MYH16: variants seen among roughly 807,000 people sequenced by gnomAD.
MYH16 encodes putative uncharacterized protein MYH16.
chr7:99,288,020 G>A (rs1165873444), exon 29 of MYH16: 1 of 456,760 alleles, frequency 2.2e-6, no homozygotes, highest in Admixed American at 2.3e-5. Context: ...TGGCCGAGCT[G>A]ACGGAGCATG....
At chr7:99,262,096 G>A (rs1791943383) in intron 13 of MYH16, among the ~76,000 whole-genome samples, 3 of 152,220 alleles carry the variant, frequency 2.0e-5, no homozygotes, top group Non-Finnish European at 2.9e-5. Context: ...GACAAACTTA[G>A]TCCTTGGGAA....
chr7:99,288,324 AGCTACTCAGGAG>A (rs1792315042), intron 29 of MYH16, among the ~76,000 whole-genome samples, 187 bp downstream of exon 10: 1 of 152,186 alleles, frequency 6.6e-6, no homozygotes, highest in South Asian at 2.1e-4. Context: ...CTGTAGTCCT[AGCTACTCAGGAG>A]GCTGAGGCAG....
intron 1 of MYH16, among the ~76,000 whole-genome samples, chr7:99,240,448 G>A (rs1268612458): frequency 1.3e-5 from 2 of 152,094 alleles, no homozygotes; most frequent in African/African-American, 2.4e-5. Context: ...GAGCAAGCAA[G>A]CAAAGAAAAC....
intron 11 of MYH16, among the ~76,000 whole-genome samples, chr7:99,259,616 G>A (rs1248453181): frequency 2.6e-5 from 4 of 151,424 alleles, no homozygotes; most frequent in Admixed American, 6.6e-5. Context: ...GCGCCACCAC[G>A]CTTGGCTAAT....
chr7:99,262,532 G>A (rs1584344552), intron 13 of MYH16, among the ~76,000 whole-genome samples: 2 of 152,210 alleles, frequency 1.3e-5, no homozygotes, highest in African/African-American at 2.4e-5. Flanking sequence ...AGTGGCACCT[G>A]TGCATTTCCA....
chr7:99,267,936 C>G (rs1264511519), intron 18 of MYH16, among the ~76,000 whole-genome samples: 1 of 152,226 alleles, frequency 6.6e-6, no homozygotes. Flanking sequence ...GATCATTTCT[C>G]TCTCCAAGTT....
At chr7:99,287,832 G>A (rs1792301815) in intron 28 of MYH16, 60 bp from the exon 10 acceptor site, 4 of 431,378 alleles carry the variant, frequency 9.3e-6, no homozygotes, top group Non-Finnish European at 1.9e-5. Context: ...GCTGGGCGGT[G>A]TCCACCCGGA....
At chr7:99,273,872 G>A (rs567203527) in intron 20 of MYH16, among the ~76,000 whole-genome samples, 2 of 145,488 alleles carry the variant, frequency 1.4e-5, no homozygotes, top group African/African-American at 5.1e-5. Flanking sequence ...AAGGGAGAGA[G>A]GAAAGGAAGG....
At chr7:99,282,826 T>G (rs554430520) in intron 23 of MYH16, among the ~76,000 whole-genome samples, 1 of 119,936 alleles carries the variant, frequency 8.3e-6, no homozygotes, top group South Asian at 2.5e-4. Flanking sequence ...GAAGATCCTA[T>G]CTCAAAAAAA....
intron 20 of MYH16, among the ~76,000 whole-genome samples, chr7:99,274,670 T>A (rs1224085043): frequency 1.3e-5 from 1 of 76,784 alleles, no homozygotes; most frequent in South Asian, 5.5e-4. Flanking sequence ...ATTAATTCAC[T>A]TTTTTTTTTT....
chr7:99,293,256 A>C (rs1792419128), intron 32 of MYH16, among the ~76,000 whole-genome samples: 1 of 152,240 alleles, frequency 6.6e-6, no homozygotes, highest in South Asian at 2.1e-4. Flanking sequence ...AGAAAATGGC[A>C]CATGTGCTCT....
intron 40 of MYH16, among the ~76,000 whole-genome samples, chr7:99,305,365 T>C (rs547545662): frequency 8.5e-5 from 13 of 152,302 alleles, no homozygotes; most frequent in African/African-American, 3.1e-4. Context: ...AATATTCTCC[T>C]TGCCTTTTTT....
At position 99,267,591 on chromosome 7, in the gene MYH16, G is replaced by A. The variant is rs537732477; in HGVS notation, n.2266+617G>A. Among the ~76,000 whole-genome samples the A allele has an allele frequency of 9.8e-5, 15 of 152,342 alleles. No individual in the cohort carries two copies. In the East Asian group the frequency reaches 2.7e-3, roughly 27 times the overall value. ...AGAATCAAGGTCATGGATCTGGCCCGTGGGGAAGTTTGCTTGGGCAGAGCC... is the reference window on the plus strand; with the variant it reads ...AGAATCAAGGTCATGGATCTGGCCCATGGGGAAGTTTGCTTGGGCAGAGCC... On this transcript the variant is annotated intron_variant and non_coding_transcript_variant, in intron 18 of 41. Coordinates refer to ENST00000439784, the Ensembl canonical transcript of MYH16.
rs1792171041 is a variant in MYH16 at position 99,279,494 on chromosome 7, C to G, written n.2660-16C>G. ...GCCTGGACCCTGTCCTCGACCGGGGCTCTTTCTCCCAACAGGAGCAAGAGA... is the reference window on the plus strand; with the variant it reads ...GCCTGGACCCTGTCCTCGACCGGGGGTCTTTCTCCCAACAGGAGCAAGAGA... On this transcript the variant is annotated splice_polypyrimidine_tract_variant and intron_variant and non_coding_transcript_variant, in intron 21 of 41. Transcript: ENST00000439784. 2.2e-6 allele frequency: 1 copy of G among 456,226 alleles called. No individual in the cohort carries two copies. Among genetic ancestry groups the G allele is most frequent in the Non-Finnish European group, 4.4e-6 (1 of 226,816 alleles). 28.3% of individuals were successfully genotyped at this position (456,226 alleles called of 1,614,324 possible). A position where few individuals can be genotyped will look rare whatever the true frequency, so the allele number is the denominator to read the frequency against.
intron 12 of MYH16, chr7:99,260,487 G>A: frequency 4.8e-6 from 2 of 415,242 alleles, no homozygotes; most frequent in Non-Finnish European, 9.1e-6. Context: ...CTGCAAAATG[G>A]GTACTGAAGT....
At chr7:99,300,226 C>A (rs1022061025) in intron 37 of MYH16, among the ~76,000 whole-genome samples, 1 of 152,148 alleles carries the variant, frequency 6.6e-6, no homozygotes, top group Admixed American at 6.5e-5. Flanking sequence ...TCCCAAAGTG[C>A]TGGGATTACA....
At chr7:99,265,469 A>T (rs1489105873) in intron 16 of MYH16, 1 of 152,632 alleles carries the variant, frequency 6.6e-6, no homozygotes, top group Non-Finnish European at 1.5e-5. Flanking sequence ...AAGACTGGGG[A>T]TGATGGCACA....
chr7:99,251,974 CA>C (rs1329599572), intron 6 of MYH16, among the ~76,000 whole-genome samples: 3 of 152,066 alleles, frequency 2.0e-5, no homozygotes. Flanking sequence ...CCCCCTATCT[CA>C]GGGGGGATAA....
chr7:99,267,670 G>C (rs1584345791), intron 18 of MYH16, among the ~76,000 whole-genome samples: 2 of 152,216 alleles, frequency 1.3e-5, no homozygotes, highest in African/African-American at 4.8e-5. Context: ...AGATGGGACT[G>C]ACTCAGACAG....
Sources: gnomAD v4.1 joint callset for allele counts (sites outside exome capture counted in the v4.1 genomes callset) on GRCh38, gnomAD v4.1.1 for gene constraint, MANE v1.5 for transcripts, NCBI Gene and HGNC (gene_info 2026-07-23, HGNC 2026-07-21) for gene names.